ADCY8: variants seen among roughly 807,000 people sequenced by gnomAD.
ADCY8 encodes adenylate cyclase 8.
ADCY8 carries 51 observed loss-of-function variants against 119.7 expected under a neutral mutation model. The observed-to-expected ratio is 0.43, with a 90% CI of 0.34 to 0.54. The LOEUF is 0.54. ADCY8 is among the 20% of genes least tolerant of loss of function. The pLI is 0.03. For missense variants in ADCY8, 1,383 were observed against 1,598.8 expected, an observed-to-expected ratio of 0.87 and a Z score of 2.30; for synonymous variants, 665 against 651.0, an observed-to-expected ratio of 1.02 and a Z score of -0.33.
intron 1 of ADCY8, among the ~76,000 whole-genome samples, chr8:131,020,623 A>C (rs1823635419): frequency 1.3e-5 from 2 of 152,220 alleles, no homozygotes; most frequent in Non-Finnish European, 2.9e-5. Context: ...CAATTATTCT[A>C]CATCTTACCA....
intron 1 of ADCY8, among the ~76,000 whole-genome samples, chr8:131,022,372 G>A (rs1462956105): frequency 6.6e-6 from 1 of 152,100 alleles, no homozygotes; most frequent in Non-Finnish European, 1.5e-5. Flanking sequence ...AACATACAGT[G>A]TTTGGTTTTC....
chr8:130,865,494 T>C (rs1818084212), intron 9 of ADCY8, among the ~76,000 whole-genome samples: 1 of 152,156 alleles, frequency 6.6e-6, no homozygotes, highest in African/African-American at 2.4e-5. Context: ...TTTGTGAGCA[T>C]GTCTTTCTGG....
chr8:130,833,325 C>A (rs533299651), intron 12 of ADCY8, among the ~76,000 whole-genome samples: 53 of 152,134 alleles, frequency 3.5e-4, no homozygotes, highest in Non-Finnish European at 6.3e-4. Context: ...CAGAATGTTA[C>A]TCTGAAGATT....
In ADCY8 at chr8:131,040,022, G is replaced by A. The variant is rs775983189; in HGVS notation, c.312C>T (p.Cys104=). 4.5e-6 allele frequency: 7 copies of A among 1,555,546 alleles called. No individual in the cohort carries two copies. The African/African-American group carries it at 5.4e-5, about 12-fold the overall frequency. Reference sequence around the variant, plus strand: ...TGCGTTCCGGGAAGACTTTGGTGCCGCAGGTGCTGTGCGCTCGCTCTCCCG... The same window carrying A: ...TGCGTTCCGGGAAGACTTTGGTGCCACAGGTGCTGTGCGCTCGCTCTCCCG... ...LGPGERAHST[C]GTKVFPERSG... is the part of the protein sequence containing the mutation. Residue 104 remains cysteine, a synonymous_variant, in exon 1 of 18, where the codon TGC becomes TGT. Coordinates refer to ENST00000286355, the MANE Select transcript of ADCY8 (RefSeq NM_001115.3).
intron 16 of ADCY8, 54 bp from the exon 17 acceptor site, chr8:130,783,859 T>A (rs1815167383): frequency 2.1e-6 from 3 of 1,424,452 alleles, no homozygotes; most frequent in Non-Finnish European, 2.9e-6. Flanking sequence ...GGGGGAACAT[T>A]AACATTTCTG....
intron 7 of ADCY8, among the ~76,000 whole-genome samples, chr8:130,887,020 A>C (rs1470592856): frequency 6.6e-6 from 1 of 152,122 alleles, no homozygotes; most frequent in African/African-American, 2.4e-5. Context: ...TAGTCTCAGA[A>C]TAAAAGACAG....
intron 7 of ADCY8, among the ~76,000 whole-genome samples, chr8:130,886,961 T>C (rs752212263): frequency 4.4e-4 from 64 of 146,470 alleles, no homozygotes; most frequent in Non-Finnish European, 7.5e-4. Flanking sequence ...AATATGACCA[T>C]TATGTAATAG....
At chr8:130,798,531 G>C (rs913738404) in intron 15 of ADCY8, among the ~76,000 whole-genome samples, 2 of 152,190 alleles carry the variant, frequency 1.3e-5, no homozygotes, top group African/African-American at 4.8e-5. Context: ...AGGTAAGGCT[G>C]AGAGGAGGCA....
intron 2 of ADCY8, among the ~76,000 whole-genome samples, chr8:130,971,386 A>G (rs1459734038): frequency 2.0e-5 from 3 of 152,248 alleles, no homozygotes; most frequent in Admixed American, 2.0e-4. Context: ...AGAGAACCCA[A>G]TGTTATTTGT....
rs141612163 is a variant in ADCY8 at position 131,024,229 on chromosome 8, C to G, written c.960+15145G>C. On this transcript the variant is annotated intron_variant, in intron 1 of 17. Coordinates refer to ENST00000286355, the MANE Select transcript of ADCY8 (RefSeq NM_001115.3). ...GCCAATGACAGAACAAGACAGCTTG[C>G]TATTGCGTGACATCATCAGACACAA... 6.9e-3 allele frequency among the ~76,000 whole-genome samples: 1,058 copies of G among 152,260 alleles called. 16 individuals are homozygous for G. Among genetic ancestry groups the G allele is most frequent in the African/African-American group, 0.024 (977 of 41,530 alleles).
Position 130,839,847 on chromosome 8 carries a change from C to T in ADCY8, c.2503-3398G>A, listed in dbSNP as rs944904548. Among the ~76,000 whole-genome samples the T allele has an allele frequency of 5.0e-5, 7 of 139,840 alleles. 2 individuals carry two copies. Among genetic ancestry groups the T allele is most frequent in the East Asian group, 2.2e-4 (1 of 4,502 alleles). 91.7% of individuals were successfully genotyped at this position (139,840 alleles called of 152,430 possible). ...GAAATCTGTACTTTATTCTGCAGTCCGTAAGGAACCACGGATGAGTTTCTT... is the reference window on the plus strand; with the variant it reads ...GAAATCTGTACTTTATTCTGCAGTCTGTAAGGAACCACGGATGAGTTTCTT... On this transcript the variant is annotated intron_variant, in intron 11 of 17. Transcript: ENST00000286355.
At chr8:130,853,692 C>T (rs1817616683) in intron 9 of ADCY8, among the ~76,000 whole-genome samples, 1 of 151,740 alleles carries the variant, frequency 6.6e-6, no homozygotes, top group South Asian at 2.1e-4. Context: ...ACACAGAACT[C>T]ACCTGAGTCC....
At chr8:130,910,434 T>C (rs1339723369) in intron 5 of ADCY8, among the ~76,000 whole-genome samples, 2 of 152,152 alleles carry the variant, frequency 1.3e-5, no homozygotes, top group African/African-American at 2.4e-5. Context: ...ACCACCATCA[T>C]GCCTGAGTCT....
chr8:130,786,013 C>T (rs1462307522), intron 15 of ADCY8, among the ~76,000 whole-genome samples: 2 of 152,190 alleles, frequency 1.3e-5, no homozygotes, highest in Non-Finnish European at 2.9e-5. Context: ...TCACCTCCTA[C>T]AGGTCTTTCC....
At chr8:130,916,608 T>A (rs1820136984) in intron 5 of ADCY8, among the ~76,000 whole-genome samples, 1 of 152,158 alleles carries the variant, frequency 6.6e-6, no homozygotes, top group Non-Finnish European at 1.5e-5. Flanking sequence ...ACGCACAAGC[T>A]GGAAGATTGT....
At chr8:130,940,899 C>A (rs899178822) in intron 4 of ADCY8, among the ~76,000 whole-genome samples, 2 of 152,078 alleles carry the variant, frequency 1.3e-5, no homozygotes, top group African/African-American at 2.4e-5. Flanking sequence ...ATGAATGCAC[C>A]AAATTATCAA....
chr8:130,937,065 C>A lies in ADCY8; in HGVS notation c.1481+8G>T. The A allele has an allele frequency of 6.2e-7, 1 of 1,607,452 alleles. No homozygotes were observed. Among genetic ancestry groups the A allele is most frequent in the Non-Finnish European group, 8.5e-7 (1 of 1,176,100 alleles). On this transcript the variant is annotated splice_region_variant and intron_variant, in intron 5 of 17. Coordinates refer to ENST00000286355, the MANE Select transcript of ADCY8 (RefSeq NM_001115.3). ...GACCCAGGTAACATGATGGGGATCA[C>A]AAATTACCTGATGGTTTTGATCATG...
intron 1 of ADCY8, among the ~76,000 whole-genome samples, chr8:130,995,278 C>G (rs1822738703): frequency 6.6e-6 from 1 of 152,204 alleles, no homozygotes; most frequent in Middle Eastern, 3.4e-3. Flanking sequence ...TATTGTAAAT[C>G]CATCCAGTTG....
intron 12 of ADCY8, among the ~76,000 whole-genome samples, chr8:130,834,134 C>A (rs943922253): frequency 6.6e-6 from 1 of 151,944 alleles, no homozygotes; most frequent in African/African-American, 2.4e-5. Flanking sequence ...ATACATAGGT[C>A]AAAAAATCAT....
Sources: allele counts gnomAD v4.1 joint callset (sites outside exome capture counted in the v4.1 genomes callset), GRCh38; gene constraint gnomAD v4.1.1; transcripts MANE v1.5; gene names NCBI Gene and HGNC (gene_info 2026-07-23, HGNC 2026-07-21).